The following JMJD8 variants were observed in gnomAD, a reference collection of about 807,000 sequenced individuals.
JMJD8 encodes the protein jumonji domain containing 8, also known as jmjC domain-containing protein 8.
JMJD8 carries 56 observed loss-of-function variants against 37.6 expected under a neutral mutation model. That is an observed-to-expected ratio of 1.49 (90% CI 1.20 to 1.86). The LOEUF is 1.86. Ranked by LOEUF, JMJD8 falls within the 40% of genes most tolerant of loss-of-function variation. The probability of loss-of-function intolerance (pLI) is 0.00; values close to 1 mark genes in which losing one functional copy is unlikely to be tolerated. For missense variants in JMJD8, 542 were observed against 362.7 expected, an observed-to-expected ratio of 1.49 and a Z score of -4.01; for synonymous variants, 261 against 163.7, an observed-to-expected ratio of 1.59 and a Z score of -4.54.
rs2039681550 is a variant in JMJD8 at position 682,012 on chromosome 16, C to A, written c.*782G>T. 6.2e-7 allele frequency: 1 copy of A among 1,606,776 alleles called. No homozygotes were observed. On this transcript the variant is annotated 3_prime_UTR_variant, in exon 9 of 9. Transcript: ENST00000609261. The stretch of plus-strand genomic sequence containing the variant: ...TCTCCCCCAAGCACAGCACTCAACT[C>A]TTCACAGGACAAGTACATGGCGGAC...
In JMJD8 at chr16:682,821, G is replaced by A. The variant is rs183214382; in HGVS notation, c.768C>T (p.Ser256=). Residue 256 remains serine (S), a synonymous_variant, in exon 9 of 9, where the codon AGC becomes AGT. Coordinates refer to ENST00000609261, the MANE Select transcript of JMJD8 (RefSeq NM_001005920.4). ...AGCCGAGGAAGGTGGAGATGAAGAC[G>A]CTGGTGTCAAGGTTGAGCGTAGCAT... ...WWHATLNLDT[S]VFISTFLG The A allele has an allele frequency of 2.5e-6, 4 of 1,613,022 alleles. No individual in the cohort carries two copies. Among genetic ancestry groups the A allele is most frequent in the African/African-American group, 2.7e-5 (2 of 75,070 alleles).
chr16:682,680 C>T lies in JMJD8; in HGVS notation c.*114G>A, dbSNP rs1023569524. The T allele has an allele frequency of 3.5e-6, 5 of 1,424,990 alleles. No homozygotes were observed. Among genetic ancestry groups the T allele is most frequent in the South Asian group, 1.3e-5 (1 of 76,962 alleles). The allele number at this position is 1,424,990 out of a possible 1,614,324, so 88.3% of individuals were successfully genotyped here. A position where few individuals can be genotyped will look rare whatever the true frequency, so the allele number is the denominator to read the frequency against. On this transcript the variant is annotated 3_prime_UTR_variant, in exon 9 of 9. Transcript: ENST00000609261. ...CGTCCCCCTTTGTGGGCTGGAAAAG[C>T]AGGTGAGGGTGGGCTGGGCTGAGGC...
chr16:681,827 G>C lies in JMJD8; in HGVS notation c.*967C>G. On this transcript the variant is annotated 3_prime_UTR_variant, in exon 9 of 9. Transcript: ENST00000609261. ...AGAGTGCCAGCGAAACCACGAGGGTGATGAGGACGACAGCCACGTCCGGGC... is the reference window on the plus strand; with the variant it reads ...AGAGTGCCAGCGAAACCACGAGGGTCATGAGGACGACAGCCACGTCCGGGC... 1 of 1,609,436 alleles carries C rather than the reference G, an allele frequency of 6.2e-7. No homozygotes were observed. Among genetic ancestry groups the C allele is most frequent in the South Asian group, 1.1e-5 (1 of 90,870 alleles).
chr16:682,518 C>T lies in JMJD8; in HGVS notation c.*276G>A, dbSNP rs560884266. On this transcript the variant is annotated 3_prime_UTR_variant, in exon 9 of 9. Transcript: ENST00000609261. ...TCCCTGCCCTACCTGGCGTCCTGGT[C>T]CAGGGGAGCCCTGGGCAGAAGCCCC... 12 of 1,612,170 alleles carry T rather than the reference C, an allele frequency of 7.4e-6. No individual in the cohort carries two copies. In the East Asian group the frequency reaches 1.8e-4, roughly 24 times the overall value.
rs777066990 is a variant in JMJD8, at chr16:683,711, G to A, written c.296C>T (p.Thr99Ile). ...SFGDRVVRLSTANTYSYHKVD... is the reference protein window; with the variant it reads ...SFGDRVVRLSIANTYSYHKVD... ...TTTGTGGTAGGAGTAGGTGTTGGCG[G>A]TGCTCAGCCGGACCACTCTGTCCCC... The change falls in exon 4 of 9, where the codon ACC becomes ATC. Residue 99 changes from threonine (T) to isoleucine (I), a missense_variant. Physicochemically the swap from Thr to Ile is moderately conservative, Grantham distance 89. Coordinates refer to ENST00000609261, the MANE Select transcript of JMJD8 (RefSeq NM_001005920.4). 23 of 1,606,648 alleles carry A rather than the reference G, an allele frequency of 1.4e-5. No homozygotes were observed. Among genetic ancestry groups the A allele is most frequent in the African/African-American group, 5.3e-5 (4 of 74,936 alleles).
At chr16:682,898 A>T (rs1302882081) in intron 8 of JMJD8, 24 bp from the exon 9 acceptor site, 1 of 1,612,574 alleles carries the variant, frequency 6.2e-7, no homozygotes. Flanking sequence ...GGGGTGCAGC[A>T]GAGATTAGCT....
intron 2 of JMJD8, 47 bp downstream of exon 2, chr16:684,019 C>A (rs746472469): frequency 3.2e-6 from 5 of 1,566,208 alleles, no homozygotes; most frequent in Non-Finnish European, 4.3e-6. Context: ...TCGGGGCAGA[C>A]GGGCCGGTGA....
chr16:682,347 C>A lies in JMJD8; in HGVS notation c.*447G>T, dbSNP rs202134918. 6.2e-7 allele frequency: 1 copy of A among 1,613,094 alleles called. No individual in the cohort carries two copies. Among genetic ancestry groups the A allele is most frequent in the East Asian group, 2.2e-5 (1 of 44,886 alleles). The stretch of plus-strand genomic sequence containing the variant: ...CCTGGGCCCCATGACTGCCCTCTGC[C>A]CTTCTTGTCACTGCAGCGTGTGGGT... On this transcript the variant is annotated 3_prime_UTR_variant, in exon 9 of 9. Transcript: ENST00000609261.
chr16:682,385 G>A lies in JMJD8; in HGVS notation c.*409C>T, dbSNP rs749022932. Reference sequence around the variant, plus strand: ...GCAGCGTGTGGGTCATTTTGACCCCGTGACCCGGAGCCCCCTGACCCAGGA... The same window carrying A: ...GCAGCGTGTGGGTCATTTTGACCCCATGACCCGGAGCCCCCTGACCCAGGA... On this transcript the variant is annotated 3_prime_UTR_variant, in exon 9 of 9. Transcript: ENST00000609261. The A allele has an allele frequency of 3.7e-6, 6 of 1,613,192 alleles. No homozygotes were observed. Among genetic ancestry groups the A allele is most frequent in the Non-Finnish European group, 5.1e-6 (6 of 1,179,982 alleles).
At chr16:683,505 C>G (rs2039783870) in intron 5 of JMJD8, 25 bp downstream of exon 5, 1 of 1,544,784 alleles carries the variant, frequency 6.5e-7, no homozygotes, top group African/African-American at 1.4e-5. Context: ...TCCCCACCCC[C>G]TACCGCCGCC....
rs2039723106 is a variant in JMJD8 at position 682,698 on chromosome 16, GC to G, written c.*95del. 2 of 1,476,476 alleles carry G rather than the reference GC, an allele frequency of 1.4e-6. No individual in the cohort carries two copies. 91.5% of individuals were successfully genotyped at this position (1,476,476 alleles called of 1,614,324 possible). On this transcript the variant is annotated 3_prime_UTR_variant, in exon 9 of 9. Coordinates refer to ENST00000609261, the MANE Select transcript of JMJD8 (RefSeq NM_001005920.4). Reference sequence around the variant, plus strand: ...GGAAAAGCAGGTGAGGGTGGGCTGGGCTGAGGCCATTGCCGCCACTATCTGT... The same window carrying G: ...GGAAAAGCAGGTGAGGGTGGGCTGGGTGAGGCCATTGCCGCCACTATCTGT...
chr16:684,213 G>A (rs2039836571), intron 1 of JMJD8, 21 bp downstream of exon 1: 2 of 1,306,820 alleles, frequency 1.5e-6, no homozygotes, highest in African/African-American at 1.6e-5. Context: ...CCCACCGCCC[G>A]GCCCCTCCCG....
rs539999333 is a variant in JMJD8 at position 684,005 on chromosome 16, G to C, written c.176+61C>G. 718 of 1,560,058 alleles carry C rather than the reference G, an allele frequency of 4.6e-4. 9 individuals are homozygous for C. The South Asian group carries it at 7.7e-3, about 17-fold the overall frequency. Reference sequence around the variant, plus strand: ...CGAGGTCAGGGGAAGGCGGCCTTGGGCGGTCGGGGCAGACGGGCCGGTGAA... The same window carrying C: ...CGAGGTCAGGGGAAGGCGGCCTTGGCCGGTCGGGGCAGACGGGCCGGTGAA... On this transcript the variant is annotated intron_variant, in intron 2 of 8. Transcript: ENST00000609261.
chr16:681,965 C>A lies in JMJD8; in HGVS notation c.*829G>T. ...CCCGCCTTGTGTTGGGTCTGTGCCCCATGGAGGAGGGAGGTGGGGTGTCTC... is the reference window on the plus strand; with the variant it reads ...CCCGCCTTGTGTTGGGTCTGTGCCCAATGGAGGAGGGAGGTGGGGTGTCTC... On this transcript the variant is annotated 3_prime_UTR_variant, in exon 9 of 9. Transcript: ENST00000609261. 7 of 1,612,530 alleles carry A rather than the reference C, an allele frequency of 4.3e-6. No individual in the cohort carries two copies. The highest frequency in any genetic ancestry group is 5.9e-6 in the Non-Finnish European group (7 of 1,179,110).
rs144595524 is a variant in JMJD8 at position 681,937 on chromosome 16, A to C, written c.*857T>G. The C allele has an allele frequency of 6.2e-7, 1 of 1,611,180 alleles. No homozygotes were observed. Among genetic ancestry groups the C allele is most frequent in the Non-Finnish European group, 8.5e-7 (1 of 1,177,974 alleles). ...GTGTGTGTGCACGTGGCGTGGGAGC[A>C]TCCCCGCCTTGTGTTGGGTCTGTGC... On this transcript the variant is annotated 3_prime_UTR_variant, in exon 9 of 9. Coordinates refer to ENST00000609261, the MANE Select transcript of JMJD8 (RefSeq NM_001005920.4).
In JMJD8 at chr16:681,961, G is replaced by A; in HGVS notation, c.*833C>T. ...CATCCCCGCCTTGTGTTGGGTCTGT[G>A]CCCCATGGAGGAGGGAGGTGGGGTG... On this transcript the variant is annotated 3_prime_UTR_variant, in exon 9 of 9. Coordinates refer to ENST00000609261, the MANE Select transcript of JMJD8 (RefSeq NM_001005920.4). The A allele has an allele frequency of 6.2e-7, 1 of 1,612,582 alleles. No homozygotes were observed.
chr16:683,412 A>C lies in JMJD8; in HGVS notation c.421T>G (p.Phe141Val). The C allele has an allele frequency of 6.4e-7, 1 of 1,552,898 alleles. No homozygotes were observed. The highest frequency in any genetic ancestry group is 1.2e-5 in the South Asian group (1 of 84,346). The change falls in exon 6 of 9, where the codon TTC (phenylalanine) becomes GTC (valine). Residue 141 changes from phenylalanine (F) to valine (V), a missense_variant. Transcript: ENST00000609261. Reference protein sequence around the residue: ...DTLYFFGDNNFTEWASLFRHY... With the variant: ...DTLYFFGDNNVTEWASLFRHY... ...CGAAAGAGAGAGGCCCACTCGGTGA[A>C]GTTGTTGTCCCCGAAGAAGTACAGG...
At position 683,740 on chromosome 16, in the gene JMJD8, C is replaced by T. The variant is rs888067272; in HGVS notation, c.267G>A (p.Ser89=). The change falls in exon 4 of 9, where the codon TCG becomes TCA. Residue 89 remains serine (S), a synonymous_variant. Coordinates refer to ENST00000609261, the MANE Select transcript of JMJD8 (RefSeq NM_001005920.4). The part of the protein sequence containing the change: ...ALCSRDRLLA[S]FGDRVVRLST... ...TCAGCCGGACCACTCTGTCCCCAAA[C>T]GAAGCCAGCAACCTGTCGCGGGAGC... The T allele has an allele frequency of 6.2e-7, 1 of 1,610,118 alleles. No individual in the cohort carries two copies. Among genetic ancestry groups the T allele is most frequent in the East Asian group, 2.2e-5 (1 of 44,766 alleles).
Position 682,487 on chromosome 16 carries a change from TG to T in JMJD8, c.*306del. The T allele has an allele frequency of 6.2e-7, 1 of 1,613,234 alleles. No homozygotes were observed. Among genetic ancestry groups the T allele is most frequent in the East Asian group, 2.2e-5 (1 of 44,888 alleles). ...TGAGAATGGCTGGGTGGAGGACTAC[TG>T]AGGTTCCCTGCCCTACCTGGCGTCC... is the stretch of plus-strand genomic sequence containing the variant. On this transcript the variant is annotated 3_prime_UTR_variant, in exon 9 of 9. Transcript: ENST00000609261.
Sources: gnomAD v4.1 joint callset for allele counts on GRCh38, gnomAD v4.1.1 for gene constraint, MANE v1.5 for transcripts, NCBI Gene and HGNC (gene_info 2026-07-23, HGNC 2026-07-21) for gene names.